Variants in SHROOM3 observed in about 807,000 individuals in gnomAD.
SHROOM3 encodes the protein protein Shroom3.
In SHROOM3, 47 loss-of-function variants were observed where a neutral mutation model predicts 138.6. The ratio of observed to expected loss-of-function variants is 0.34; its 90% CI spans 0.27 to 0.43. The LOEUF is 0.43. SHROOM3 is among the 20% of genes least tolerant of loss of function. The pLI, the probability that SHROOM3 is intolerant of heterozygous loss-of-function variation, is 1.00. For missense variants in SHROOM3, 2,491 were observed against 2,596.5 expected (o/e 0.96, Z 0.88); for synonymous variants, 1,062 against 1,063.3 (o/e 1.00, Z 0.02).
At chr4:76,767,442 G>T (rs901217976) in intron 9 of SHROOM3, among the ~76,000 whole-genome samples, 3 of 152,222 alleles carry the variant, frequency 2.0e-5, no homozygotes, top group Admixed American at 2.0e-4. Context: ...ACTTTGGGAG[G>T]CCAAGGCAGG....
chr4:76,454,420 A>G (rs1384260654), intron 1 of SHROOM3, among the ~76,000 whole-genome samples: 1 of 152,178 alleles, frequency 6.6e-6, no homozygotes, highest in Non-Finnish European at 1.5e-5. Context: ...TTCAACACAT[A>G]TTTCCTACTG....
intron 2 of SHROOM3, among the ~76,000 whole-genome samples, chr4:76,578,375 A>C (rs1733979596): frequency 1.3e-5 from 2 of 152,198 alleles, no homozygotes. Context: ...GTGACAAGCA[A>C]GTACTTGGCA....
rs1158677695 is a variant in SHROOM3 at position 76,494,574 on chromosome 4, AC to A, written c.168+58355del. The stretch of plus-strand genomic sequence containing the variant: ...TATATTAAAAGTAGCAAGAGAATGA[AC>A]GGGAATCAGGCGGAACATACTGATA... On this transcript the variant is annotated intron_variant, in intron 1 of 10. Coordinates refer to ENST00000296043, the MANE Select transcript of SHROOM3 (RefSeq NM_020859.4). Among the ~76,000 whole-genome samples the A allele has an allele frequency of 2.0e-5, 3 of 152,218 alleles. 1 individual carries two copies. Among genetic ancestry groups the A allele is most frequent in the African/African-American group, 7.2e-5 (3 of 41,460 alleles).
intron 2 of SHROOM3, among the ~76,000 whole-genome samples, chr4:76,681,594 G>GGTGT (rs558707266): frequency 0.053 from 4,271 of 80,928 alleles, 252 homozygotes; most frequent in South Asian, 0.13. Context: ...CAGAGTCTAG[G>GGTGT]GTGTGTGTGT....
chr4:76,474,203 A>C (rs1731436240), intron 1 of SHROOM3, among the ~76,000 whole-genome samples: 2 of 152,248 alleles, frequency 1.3e-5, no homozygotes, highest in African/African-American at 4.8e-5. Flanking sequence ...ACATTGTATA[A>C]TTCCATTTAT....
chr4:76,636,513 A>G (rs945955239), intron 2 of SHROOM3, among the ~76,000 whole-genome samples: 3 of 152,230 alleles, frequency 2.0e-5, no homozygotes, highest in Non-Finnish European at 2.9e-5. Context: ...TCATTTACCT[A>G]TACCACAGGT....
At chr4:76,660,354 C>A (rs1736156699) in intron 2 of SHROOM3, among the ~76,000 whole-genome samples, 1 of 152,166 alleles carries the variant, frequency 6.6e-6, no homozygotes, top group African/African-American at 2.4e-5. Flanking sequence ...CTATGAGGGG[C>A]TCATTCATTT....
intron 2 of SHROOM3, chr4:76,637,681 G>T (rs1281344723): frequency 6.6e-6 from 1 of 152,194 alleles, no homozygotes; most frequent in Non-Finnish European, 1.5e-5. Context: ...ACCCAGAATG[G>T]CAACTCTGTG....
chr4:76,741,108 C>G lies in SHROOM3; in HGVS notation c.2935C>G (p.Pro979Ala). 2 of 1,549,236 alleles carry G rather than the reference C, an allele frequency of 1.3e-6. No individual in the cohort carries two copies. Among genetic ancestry groups the G allele is most frequent in the Admixed American group, 2.0e-5 (1 of 51,068 alleles). The change falls in exon 5 of 11, where the codon CCG becomes GCG. Residue 979 changes from proline (P) to alanine (A), a missense_variant. Coordinates refer to ENST00000296043, the MANE Select transcript of SHROOM3 (RefSeq NM_020859.4). This position sits in a 1 kb window ranked among gnomAD's most constrained non-coding sequence, Gnocchi z 6.2. ...CCCCGAGGCGTCGGCCTCCGCCTCC[C>G]CGCACACGCCCCGGGAGCGGCACAG... is the stretch of plus-strand genomic sequence containing the variant. ...RSPEASASAS[P>A]HTPRERHSVT...
intron 1 of SHROOM3, among the ~76,000 whole-genome samples, chr4:76,479,552 A>G (rs1352903390): frequency 6.6e-6 from 1 of 152,122 alleles, no homozygotes; most frequent in Non-Finnish European, 1.5e-5. Flanking sequence ...GTTGGAAAAC[A>G]CTCTTCAGGA....
chr4:76,588,264 A>G (rs1734191311), intron 2 of SHROOM3, among the ~76,000 whole-genome samples: 1 of 152,248 alleles, frequency 6.6e-6, no homozygotes, highest in Non-Finnish European at 1.5e-5. Context: ...ACTATGATAA[A>G]TAGATATTTT....
chr4:76,713,993 C>T (rs1426998050), intron 3 of SHROOM3, among the ~76,000 whole-genome samples: 1 of 152,154 alleles, frequency 6.6e-6, no homozygotes, highest in African/African-American at 2.4e-5. Context: ...CGCTCAGATC[C>T]TACATCCTGT....
At chr4:76,551,925 G>A (rs572149325) in intron 1 of SHROOM3, among the ~76,000 whole-genome samples, 15 of 151,082 alleles carry the variant, frequency 9.9e-5, no homozygotes, top group East Asian at 3.9e-4. Context: ...GCAGTGGTGC[G>A]ATCTCGGCTC....
intron 2 of SHROOM3, among the ~76,000 whole-genome samples, chr4:76,686,912 A>T (rs2110105794): frequency 6.6e-6 from 1 of 152,204 alleles, no homozygotes; most frequent in South Asian, 2.1e-4. Flanking sequence ...CACCTGCGGG[A>T]CCTTGCACAC....
chr4:76,663,168 C>T (rs1718589809), intron 2 of SHROOM3, among the ~76,000 whole-genome samples: 1 of 152,086 alleles, frequency 6.6e-6, no homozygotes, highest in Non-Finnish European at 1.5e-5. Flanking sequence ...AGTTCCAAAT[C>T]AAAATTTTTA....
chr4:76,484,612 A>AAAC (rs1731690990), intron 1 of SHROOM3, among the ~76,000 whole-genome samples: 10 of 100,044 alleles, frequency 1.0e-4, no homozygotes, highest in African/African-American at 2.9e-4. Context: ...AACAAACAAA[A>AAAC]AGTCTTAGGA....
At chr4:76,584,753 A>G (rs113701732) in intron 2 of SHROOM3, among the ~76,000 whole-genome samples, 3 of 152,282 alleles carry the variant, frequency 2.0e-5, no homozygotes, top group African/African-American at 4.8e-5. Context: ...GGAGTAGCCT[A>G]TGATGGAAGG....
At chr4:76,710,059 G>A in intron 2 of SHROOM3, 97 bp from the exon 3 acceptor site, 1 of 1,549,196 alleles carries the variant, frequency 6.5e-7, no homozygotes, top group Non-Finnish European at 8.9e-7. Flanking sequence ...TGGCTCCGGG[G>A]TTCGTTTTCA....
At chr4:76,650,893 A>G (rs958991821) in intron 2 of SHROOM3, among the ~76,000 whole-genome samples, 4 of 152,214 alleles carry the variant, frequency 2.6e-5, no homozygotes, top group African/African-American at 9.7e-5. Flanking sequence ...ATGTCCATCA[A>G]CAGATGAATG....
Sources: allele counts gnomAD v4.1 joint callset (sites outside exome capture counted in the v4.1 genomes callset), GRCh38; gene constraint gnomAD v4.1.1; non-coding constraint Gnocchi (gnomAD v3.1); transcripts MANE v1.5; gene names NCBI Gene and HGNC (gene_info 2026-07-23, HGNC 2026-07-21).